The following GALNT1 variants were observed in gnomAD, a reference collection of about 807,000 sequenced individuals.
GALNT1 encodes the protein GalNAc transferase 1.
Under a neutral mutation model 65.7 loss-of-function variants are expected in GALNT1, and 17 were observed. That is an observed-to-expected ratio of 0.26 (90% CI 0.18 to 0.39). GALNT1 has a LOEUF of 0.39. GALNT1 is among the 10% of genes least tolerant of loss of function. The probability of loss-of-function intolerance (pLI) is 1.00; values close to 1 mark genes in which losing one functional copy is unlikely to be tolerated. For synonymous variants in GALNT1, 210 were observed against 219.7 expected (o/e 0.96, Z 0.39); for missense variants, 460 against 672.8 (o/e 0.68, Z 3.50).
Position 35,709,947 on chromosome 18 carries a change from C to T in GALNT1, c.*177C>T, listed in dbSNP as rs1278413668. The T allele has an allele frequency of 1.4e-5, 9 of 663,302 alleles. No homozygotes were observed. The highest frequency in any genetic ancestry group is 7.3e-5 in the African/African-American group (4 of 54,898). 41.1% of individuals were successfully genotyped at this position (663,302 alleles called of 1,614,324 possible). On this transcript the variant is annotated 3_prime_UTR_variant, in exon 12 of 12. Coordinates refer to ENST00000269195, the MANE Select transcript of GALNT1 (RefSeq NM_020474.4). ...AGCTTTTCACTAGCTGTGAACCAGC[C>T]TTCCTGTCCATGGACGTGAAACTGC...
chr18:35,662,617 T>C (rs1227260537), intron 2 of GALNT1, among the ~76,000 whole-genome samples: 1 of 152,180 alleles, frequency 6.6e-6, no homozygotes, highest in African/African-American at 2.4e-5. Context: ...CTATTTTTTG[T>C]TTAGAAATGT....
chr18:35,639,379 T>A (rs1420423281), intron 1 of GALNT1, among the ~76,000 whole-genome samples: 4 of 152,300 alleles, frequency 2.6e-5, no homozygotes, highest in East Asian at 1.9e-4. Context: ...AGCAGTAAAA[T>A]TTTTAAATTA....
At position 35,581,767 on chromosome 18, in the gene GALNT1, C is replaced by A. The variant is rs1484768350; in HGVS notation, c.-199C>A. 1 of 101,556 alleles carries A rather than the reference C, an allele frequency of 9.8e-6. No homozygotes were observed. Among genetic ancestry groups the A allele is most frequent in the Non-Finnish European group, 2.0e-5 (1 of 49,054 alleles). The allele number at this position is 101,556 out of a possible 1,614,324, so 6.3% of individuals were successfully genotyped here. On this transcript the variant is annotated 5_prime_UTR_variant, in exon 1 of 12. Coordinates refer to ENST00000269195, the MANE Select transcript of GALNT1 (RefSeq NM_020474.4). ...TGGCCGAGGAGCGCGCGGCGGACGG[C>A]GGCCCGAGAGTAGCGCGCTGGCCGC...
chr18:35,693,588 C>CAGG (rs2048004450), intron 9 of GALNT1, among the ~76,000 whole-genome samples: 1 of 152,100 alleles, frequency 6.6e-6, no homozygotes, highest in Non-Finnish European at 1.5e-5. Context: ...AGGATTATGT[C>CAGG]TGGTTTCTAT....
At chr18:35,614,599 A>C (rs1026175870) in intron 1 of GALNT1, among the ~76,000 whole-genome samples, 4 of 152,208 alleles carry the variant, frequency 2.6e-5, no homozygotes, top group African/African-American at 9.6e-5. Context: ...GAGTTAGTGC[A>C]GTAAAGCAAC....
At chr18:35,606,333 A>T (rs1417341998) in intron 1 of GALNT1, among the ~76,000 whole-genome samples, 5 of 152,214 alleles carry the variant, frequency 3.3e-5, no homozygotes, top group African/African-American at 4.8e-5. Context: ...AAAGAACCAG[A>T]AATGTTTGGT....
intron 1 of GALNT1, among the ~76,000 whole-genome samples, chr18:35,587,491 A>G (rs1202079981): frequency 6.6e-6 from 1 of 152,128 alleles, no homozygotes; most frequent in Non-Finnish European, 1.5e-5. Context: ...ATTTTCATGG[A>G]TGCTGTTTAT....
chr18:35,617,289 T>C (rs2046795637), intron 1 of GALNT1, among the ~76,000 whole-genome samples: 1 of 152,200 alleles, frequency 6.6e-6, no homozygotes, highest in East Asian at 1.9e-4. Flanking sequence ...GTTAACAAAT[T>C]TGTTAAGTGA....
rs186283954 is a variant in GALNT1 at position 35,650,145 on chromosome 18, G to A, written c.-103-4415G>A. 8.5e-5 allele frequency among the ~76,000 whole-genome samples: 13 copies of A among 152,198 alleles called. No homozygotes were observed. In the Middle Eastern group the frequency reaches 0.01, roughly 120 times the overall value. On this transcript the variant is annotated intron_variant, in intron 1 of 11. Transcript: ENST00000269195. Reference sequence around the variant, plus strand: ...TTTCTATTTTCCCTAAGTGTCCTCCGGTCTGAGAAATAAACGGAGAGAGTA... The same window carrying A: ...TTTCTATTTTCCCTAAGTGTCCTCCAGTCTGAGAAATAAACGGAGAGAGTA...
At chr18:35,629,973 A>G (rs894480045) in intron 1 of GALNT1, among the ~76,000 whole-genome samples, 2 of 152,232 alleles carry the variant, frequency 1.3e-5, no homozygotes, top group Non-Finnish European at 2.9e-5. Context: ...CCATTACATA[A>G]TGGTAAAGGG....
intron 10 of GALNT1, 100 bp from the exon 11 acceptor site, chr18:35,703,409 G>A: frequency 9.2e-7 from 1 of 1,088,276 alleles, no homozygotes; most frequent in Non-Finnish European, 1.3e-6. Context: ...CATAAATCAT[G>A]TACCTTGAAA....
chr18:35,702,451 A>G (rs2048180784), intron 9 of GALNT1, among the ~76,000 whole-genome samples: 1 of 152,218 alleles, frequency 6.6e-6, no homozygotes. Flanking sequence ...TAGAGTTTGT[A>G]CCACACTATG....
chr18:35,656,307 T>C (rs1466117728), intron 2 of GALNT1, among the ~76,000 whole-genome samples: 1 of 152,222 alleles, frequency 6.6e-6, no homozygotes, highest in African/African-American at 2.4e-5. Context: ...GGCAAGGTAC[T>C]AGGTGCTGTT....
rs1394522957 is a variant in GALNT1 at position 35,709,933 on chromosome 18, A to C, written c.*163A>C. ...ACTTAGACTTCTCTAGCTTTTCACT[A>C]GCTGTGAACCAGCCTTCCTGTCCAT... On this transcript the variant is annotated 3_prime_UTR_variant, in exon 12 of 12. Transcript: ENST00000269195. The C allele has an allele frequency of 9.4e-6, 7 of 746,110 alleles. No homozygotes were observed. The East Asian group carries it at 1.9e-4, about 20-fold the overall frequency. The allele number at this position is 746,110 out of a possible 1,614,324, so 46.2% of individuals were successfully genotyped here. A position where few individuals can be genotyped will look rare whatever the true frequency, so the allele number is the denominator to read the frequency against.
chr18:35,683,794 CTG>C (rs2144609956), intron 5 of GALNT1, among the ~76,000 whole-genome samples, 196 bp downstream of exon 5: 1 of 152,288 alleles, frequency 6.6e-6, no homozygotes, highest in East Asian at 1.9e-4. Context: ...TGTTTGCAAA[CTG>C]TTGTACTAAT....
intron 1 of GALNT1, among the ~76,000 whole-genome samples, chr18:35,583,889 C>T (rs974099929): frequency 6.6e-6 from 1 of 152,212 alleles, no homozygotes; most frequent in Non-Finnish European, 1.5e-5. Context: ...CATGCCCTAT[C>T]CCTCTTTTAA....
intron 1 of GALNT1, among the ~76,000 whole-genome samples, chr18:35,626,417 T>C (rs1598787358): frequency 6.6e-6 from 1 of 152,356 alleles, no homozygotes; most frequent in East Asian, 1.9e-4. Flanking sequence ...TTTGTAGCTC[T>C]TAAAATTTAT....
rs78408753 is a variant in GALNT1, at chr18:35,673,549, A to G, written c.315-4042A>G. Among the ~76,000 whole-genome samples the G allele has an allele frequency of 1.2e-3, 184 of 152,298 alleles. 3 individuals carry two copies. In the East Asian group the frequency reaches 0.027, roughly 22 times the overall value. On this transcript the variant is annotated intron_variant, in intron 3 of 11. Transcript: ENST00000269195. Reference sequence around the variant, plus strand: ...TAAACCTCTTAATGCAGTTTCAGGAATTTAATAAAAAGTCAGGAGGACCCT... The same window carrying G: ...TAAACCTCTTAATGCAGTTTCAGGAGTTTAATAAAAAGTCAGGAGGACCCT...
intron 1 of GALNT1, among the ~76,000 whole-genome samples, chr18:35,620,795 G>T (rs12959788): frequency 0.22 from 31,067 of 139,806 alleles, 3,374 homozygotes; most frequent in African/African-American, 0.32. Flanking sequence ...TTTTTTTTTT[G>T]GTCATTATAA....
Sources: gnomAD v4.1 joint callset for allele counts (sites outside exome capture counted in the v4.1 genomes callset) on GRCh38, gnomAD v4.1.1 for gene constraint, MANE v1.5 for transcripts, NCBI Gene and HGNC (gene_info 2026-07-23, HGNC 2026-07-21) for gene names.